Variants in FAAH2 observed in about 807,000 individuals in gnomAD.
The protein encoded by FAAH2 is fatty-acid amide hydrolase 2.
A neutral mutation model predicts 36.9 loss-of-function variants in FAAH2; 60 were observed. The observed-to-expected ratio is 1.63, with a 90% CI of 1.32 to 2.02. The LOEUF (loss-of-function observed/expected upper bound fraction) is 2.02. FAAH2 is among the 30% of genes most tolerant of loss of function. The pLI, the probability that FAAH2 is intolerant of heterozygous loss-of-function variation, is 0.00. For missense variants in FAAH2, 689 were observed against 397.5 expected (o/e 1.73, Z -6.23); for synonymous variants, 214 against 143.8 (o/e 1.49, Z -3.49).
the FAAH2 span, among the ~76,000 whole-genome samples, chrX:57,190,262 C>G: frequency 1.8e-5 from 2 of 109,926 alleles, no homozygotes; most frequent in Admixed American, 1.9e-4. Flanking sequence ...GACCAAGTTC[C>G]TCCCAGGTTG....
chrX:57,307,017 A>ATATATATATATATATATATATG (rs1413358411), intron 2 of FAAH2, among the ~76,000 whole-genome samples: 1 of 74,105 alleles, frequency 1.3e-5, no homozygotes, highest in East Asian at 4.4e-4. Flanking sequence ...ATATATATAT[A>ATATATATATATATATATATATG]GCCTTTGTCC....
chrX:57,178,018 C>G, the FAAH2 span, among the ~76,000 whole-genome samples: 1 of 111,329 alleles, frequency 9.0e-6, no homozygotes, highest in African/African-American at 3.3e-5. Context: ...TCCTCTGGGT[C>G]TAGCCACCCA....
At chrX:57,381,960 A>C (rs1258420701) in intron 7 of FAAH2, among the ~76,000 whole-genome samples, 2 of 111,761 alleles carry the variant, frequency 1.8e-5, no homozygotes, top group Non-Finnish European at 3.8e-5. Context: ...AAGAACAGAA[A>C]TTATAACAAA....
At chrX:57,216,798 A>G in the FAAH2 span, among the ~76,000 whole-genome samples, 2 of 104,489 alleles carry the variant, frequency 1.9e-5, no homozygotes, top group African/African-American at 6.8e-5. Flanking sequence ...CAGTTGTGGG[A>G]TTGCTGGATC....
At chrX:57,157,805 T>A in the FAAH2 span, among the ~76,000 whole-genome samples, 1 of 111,369 alleles carries the variant, frequency 9.0e-6, no homozygotes, top group South Asian at 3.8e-4. Context: ...TTGCTCAGTT[T>A]AATTTTTATT....
intron 5 of FAAH2, among the ~76,000 whole-genome samples, chrX:57,362,753 CTTGAG>C (rs1181909737): frequency 1.8e-5 from 2 of 112,008 alleles, no homozygotes; most frequent in South Asian, 3.7e-4. Flanking sequence ...TCTAATCAAT[CTTGAG>C]TTAAGTTTTG....
intron 6 of FAAH2, 86 bp downstream of exon 6, chrX:57,378,872 C>T: frequency 9.4e-7 from 1 of 1,065,392 alleles, no homozygotes; most frequent in South Asian, 2.1e-5. Context: ...GGTAGACTTT[C>T]AGTCCTCAAG....
intron 5 of FAAH2, among the ~76,000 whole-genome samples, chrX:57,373,155 A>C (rs1032099770): frequency 3.6e-5 from 4 of 111,373 alleles, no homozygotes; most frequent in Non-Finnish European, 7.5e-5. Context: ...GGCTGGTTCC[A>C]TATTTTTGCA....
At chrX:57,429,900 G>C (rs1008070128) in intron 7 of FAAH2, among the ~76,000 whole-genome samples, 4 of 111,037 alleles carry the variant, frequency 3.6e-5, no homozygotes, top group African/African-American at 1.3e-4. Flanking sequence ...AATGGAACTG[G>C]AGGCCATTGT....
At chrX:57,306,766 A>G (rs1284195051) in intron 2 of FAAH2, among the ~76,000 whole-genome samples, 3 of 96,270 alleles carry the variant, frequency 3.1e-5, no homozygotes, top group African/African-American at 7.3e-5. Context: ...TATACACTAT[A>G]TATATACCAT....
intron 1 of FAAH2, 54 bp from the exon 2 acceptor site, chrX:57,292,444 G>A (rs1391414862): frequency 1.2e-5 from 13 of 1,047,783 alleles, no homozygotes; most frequent in Non-Finnish European, 1.6e-5. Context: ...AATACTTGTT[G>A]AATGAATTGT....
At chrX:57,329,359 G>T (rs762359974) in intron 3 of FAAH2, among the ~76,000 whole-genome samples, 2 of 111,160 alleles carry the variant, frequency 1.8e-5, no homozygotes, top group Admixed American at 1.9e-4. Flanking sequence ...GTCTGTGTGG[G>T]CCCTCTATGC....
chrX:57,392,901 G>A lies in FAAH2; in HGVS notation c.996+11872G>A, dbSNP rs1006274996. 1.3e-5 allele frequency: 11 copies of A among 841,486 alleles called. No homozygotes were observed. The Admixed American group carries it at 2.2e-4, about 17-fold the overall frequency. 69.3% of individuals were successfully genotyped at this position (841,486 alleles called of 1,213,427 possible). The stretch of plus-strand genomic sequence containing the variant: ...AAAGCCCTGCTTTGTGTAGACTTCA[G>A]CTTTGTGTTGAGCTTTGAGGAGTAA... On this transcript the variant is annotated intron_variant, in intron 7 of 10. Coordinates refer to ENST00000374900, the MANE Select transcript of FAAH2 (RefSeq NM_174912.4).
the FAAH2 span, among the ~76,000 whole-genome samples, chrX:57,268,573 A>G: frequency 8.9e-6 from 1 of 111,754 alleles, no homozygotes; most frequent in African/African-American, 3.3e-5. Context: ...GGTTGAAATG[A>G]AAGAAAAAAT....
intron 5 of FAAH2, among the ~76,000 whole-genome samples, chrX:57,364,368 AT>A (rs1197448969): frequency 2.0e-5 from 2 of 100,124 alleles, no homozygotes; most frequent in African/African-American, 3.7e-5. Flanking sequence ...GTCTCTACAG[AT>A]TTTTTTGTGT....
chrX:57,182,430 A>G, the FAAH2 span, among the ~76,000 whole-genome samples: 1 of 111,934 alleles, frequency 8.9e-6, no homozygotes, highest in East Asian at 2.8e-4. Context: ...AAAACAAAAC[A>G]TGCATGCAGC....
In FAAH2 at chrX:57,376,056, G is replaced by A. The variant is rs906370183; in HGVS notation, c.743-2595G>A. Among the ~76,000 whole-genome samples, 8 of 111,182 alleles carry A rather than the reference G, an allele frequency of 7.2e-5. No individual in the cohort carries two copies. In the Admixed American group the frequency reaches 7.7e-4, roughly 11 times the overall value. ...AGGTAACAGCAACAAGAGCAAGTGG[G>A]CTGGATATTATTCTGTTTCATTATC... On this transcript the variant is annotated intron_variant, in intron 5 of 10. Coordinates refer to ENST00000374900, the MANE Select transcript of FAAH2 (RefSeq NM_174912.4).
chrX:57,264,846 T>A, the FAAH2 span, among the ~76,000 whole-genome samples: 1 of 112,355 alleles, frequency 8.9e-6, no homozygotes, highest in African/African-American at 3.2e-5. Flanking sequence ...AAGATGGCCA[T>A]CTAGAAGTTG....
the FAAH2 span, among the ~76,000 whole-genome samples, chrX:57,184,519 G>T: frequency 1.8e-5 from 2 of 112,167 alleles, no homozygotes; most frequent in Non-Finnish European, 3.8e-5. Flanking sequence ...TATTGGGGGT[G>T]GGTTCCCCCA....
Sources: gnomAD v4.1 joint callset for allele counts (sites outside exome capture counted in the v4.1 genomes callset) on GRCh38, gnomAD v4.1.1 for gene constraint, MANE v1.5 for transcripts, NCBI Gene and HGNC (gene_info 2026-07-23, HGNC 2026-07-21) for gene names.